The following KCNMA1 variants were observed in gnomAD, a reference collection of about 807,000 sequenced individuals.
The protein encoded by KCNMA1 is potassium calcium-activated channel subfamily M alpha 1, also known as Calcium-activated potassium channel subunit alpha-1.
In KCNMA1, 29 loss-of-function variants were observed where a neutral mutation model predicts 140.0. That is an observed-to-expected ratio of 0.21 (90% confidence interval 0.15 to 0.28). The LOEUF is 0.28. KCNMA1 is among the 10% of genes least tolerant of loss of function. KCNMA1 has a pLI of 1.00. For synonymous variants in KCNMA1, 612 were observed against 611.9 expected, an observed-to-expected ratio of 1.00 and a Z score of 0.00; for missense variants, 880 against 1,602.2, an observed-to-expected ratio of 0.55 and a Z score of 7.70.
intron 1 of KCNMA1, among the ~76,000 whole-genome samples, chr10:77,595,948 C>A (rs2154565587): frequency 6.6e-6 from 1 of 152,334 alleles, no homozygotes; most frequent in African/African-American, 2.4e-5. Flanking sequence ...CTGCCCCCAG[C>A]CCAGATAGGT....
At chr10:77,625,417 A>G (rs1023691653) in intron 1 of KCNMA1, among the ~76,000 whole-genome samples, 4 of 152,234 alleles carry the variant, frequency 2.6e-5, no homozygotes, top group African/African-American at 9.6e-5. Context: ...TTAAGTGTGT[A>G]GTACTTCACA....
chr10:77,617,624 T>C (rs2090035938), intron 1 of KCNMA1, among the ~76,000 whole-genome samples: 1 of 152,230 alleles, frequency 6.6e-6, no homozygotes, highest in African/African-American at 2.4e-5. Context: ...CTAATGCTGG[T>C]ACTGCCACTT....
At chr10:76,965,441 G>A (rs962856601) in intron 20 of KCNMA1, among the ~76,000 whole-genome samples, 1 of 152,082 alleles carries the variant, frequency 6.6e-6, no homozygotes, top group South Asian at 2.1e-4. Flanking sequence ...CCTGATGGAG[G>A]ACTCCCAACC....
intron 2 of KCNMA1, among the ~76,000 whole-genome samples, chr10:77,370,854 C>A (rs2094650597): frequency 6.6e-6 from 1 of 152,168 alleles, no homozygotes; most frequent in Non-Finnish European, 1.5e-5. Context: ...AGTCACAGTG[C>A]CCTCTACTTC....
At chr10:77,175,913 GT>G (rs2154110775) in intron 5 of KCNMA1, among the ~76,000 whole-genome samples, 1 of 152,328 alleles carries the variant, frequency 6.6e-6, no homozygotes, top group African/African-American at 2.4e-5. Flanking sequence ...TACTATTTGT[GT>G]TTGTTTAAAT....
intron 5 of KCNMA1, among the ~76,000 whole-genome samples, chr10:77,138,796 G>T (rs2098107924): frequency 6.6e-6 from 1 of 152,132 alleles, no homozygotes; most frequent in Non-Finnish European, 1.5e-5. Context: ...ACATTTCCCA[G>T]TTCGTCCTCA....
chr10:77,155,836 T>G (rs1020973285), intron 5 of KCNMA1, among the ~76,000 whole-genome samples: 1 of 152,124 alleles, frequency 6.6e-6, no homozygotes, highest in Non-Finnish European at 1.5e-5. Flanking sequence ...GTGAAACAAT[T>G]ACATAACTAA....
At chr10:77,513,253 C>T (rs536961696) in intron 1 of KCNMA1, among the ~76,000 whole-genome samples, 32 of 152,118 alleles carry the variant, frequency 2.1e-4, no homozygotes, top group South Asian at 6.2e-4. Context: ...CTACGTGGAA[C>T]GCTCTTCCCC....
chr10:77,471,541 TAC>T (rs1304415971), intron 1 of KCNMA1, among the ~76,000 whole-genome samples: 1 of 143,270 alleles, frequency 7.0e-6, no homozygotes, highest in African/African-American at 2.6e-5. Context: ...CAGCACACAC[TAC>T]ACACACACCA....
At chr10:77,636,211 C>A in intron 1 of KCNMA1, 1 of 1,427,860 alleles carries the variant, frequency 7.0e-7, no homozygotes, top group Non-Finnish European at 9.1e-7. Flanking sequence ...TTTTCCAGTT[C>A]TTTCTTTTTT....
chr10:76,977,440 G>C (rs979982156), intron 19 of KCNMA1: 5 of 652,046 alleles, frequency 7.7e-6, no homozygotes, highest in Non-Finnish European at 1.4e-5. Flanking sequence ...CACAGTTGTT[G>C]GTTTACCAGC....
At chr10:77,612,203 G>A (rs1355389292) in intron 1 of KCNMA1, among the ~76,000 whole-genome samples, 1 of 152,146 alleles carries the variant, frequency 6.6e-6, no homozygotes, top group Non-Finnish European at 1.5e-5. Flanking sequence ...ACATTTCACG[G>A]ACATGGCCAA....
intron 24 of KCNMA1, chr10:76,912,113 C>T (rs1190876077): frequency 2.0e-5 from 3 of 152,020 alleles, no homozygotes; most frequent in African/African-American, 7.2e-5. Flanking sequence ...TCTGAAATAC[C>T]CAGTCTCAGA....
chr10:76,952,575 A>G (rs1418533221), intron 21 of KCNMA1, among the ~76,000 whole-genome samples: 2 of 152,162 alleles, frequency 1.3e-5, no homozygotes, highest in Non-Finnish European at 2.9e-5. Context: ...CGAGTAGAAC[A>G]ATTTGCACTC....
At chr10:77,062,523 C>A (rs545018638) in intron 14 of KCNMA1, among the ~76,000 whole-genome samples, 72 of 152,222 alleles carry the variant, frequency 4.7e-4, no homozygotes, top group African/African-American at 1.7e-3. Flanking sequence ...TCTTACATGT[C>A]CCTCAACAAA....
At chr10:77,054,565 C>T (rs1243829614) in intron 14 of KCNMA1, among the ~76,000 whole-genome samples, 1 of 152,088 alleles carries the variant, frequency 6.6e-6, no homozygotes, top group African/African-American at 2.4e-5. Context: ...GACTCTTATT[C>T]ATAGATATTA....
intron 18 of KCNMA1, among the ~76,000 whole-genome samples, chr10:77,007,412 A>T (rs1191447670): frequency 2.0e-5 from 3 of 152,064 alleles, no homozygotes; most frequent in Non-Finnish European, 4.4e-5. Context: ...AACTTCATAG[A>T]CTGCAGATAA....
chr10:77,027,714 T>C (rs1412113010), intron 16 of KCNMA1, 109 bp downstream of exon 16: 1 of 901,502 alleles, frequency 1.1e-6, no homozygotes, highest in Non-Finnish European at 1.9e-6. Flanking sequence ...TTACATCTGG[T>C]TCCATGCAGA....
At chr10:77,607,428 G>T (rs2084937655) in intron 1 of KCNMA1, among the ~76,000 whole-genome samples, 1 of 152,190 alleles carries the variant, frequency 6.6e-6, no homozygotes, top group South Asian at 2.1e-4. Flanking sequence ...TGGAATCTGT[G>T]ACTGCGACCT....
Sources: allele counts gnomAD v4.1 joint callset (sites outside exome capture counted in the v4.1 genomes callset), GRCh38; gene constraint gnomAD v4.1.1; transcripts MANE v1.5; gene names NCBI Gene and HGNC (gene_info 2026-07-23, HGNC 2026-07-21).